The following DGUOK variants were observed in gnomAD, a reference collection of about 807,000 sequenced individuals.
DGUOK encodes deoxyguanosine kinase, also known as deoxyguanosine kinase, mitochondrial.
A neutral mutation model predicts 36.6 loss-of-function variants in DGUOK; 30 were observed. That is an observed-to-expected ratio of 0.82 (90% CI 0.61 to 1.11). The LOEUF (loss-of-function observed/expected upper bound fraction) is 1.11, where lower values mean the gene tolerates loss of function less well. Ranked by LOEUF, DGUOK falls within the 50% of genes most tolerant of loss-of-function variation. The pLI, the probability that DGUOK is intolerant of heterozygous loss-of-function variation, is 0.00. For synonymous variants in DGUOK, 145 were observed against 126.3 expected (o/e 1.15, Z -0.99); for missense variants, 361 against 336.4 (o/e 1.07, Z -0.57).
At chr2:73,932,014 A>G (rs62151968) in intron 1 of DGUOK, among the ~76,000 whole-genome samples, 1,909 of 152,156 alleles carry the variant, frequency 0.013, 29 homozygotes, top group Non-Finnish European at 0.018. Flanking sequence ...GGTTAGAGTG[A>G]TATGTTTTGT....
rs1683248157 is a variant in DGUOK, at chr2:73,957,970, C to G, written c.708-176C>G. 4 of 551,256 alleles carry G rather than the reference C, an allele frequency of 7.3e-6. No individual in the cohort carries two copies. The South Asian group carries it at 7.3e-5, about 10-fold the overall frequency. The allele number at this position is 551,256 out of a possible 1,614,324, so 34.1% of individuals were successfully genotyped here. A position where few individuals can be genotyped will look rare whatever the true frequency, so the allele number is the denominator to read the frequency against. On this transcript the variant is annotated intron_variant, in intron 5 of 6. Coordinates refer to ENST00000264093, the MANE Select transcript of DGUOK (RefSeq NM_080916.3). ...AGAATGAAGAGAAACCTCAACCTTT[C>G]TGTTTCCGGCCAACTTTATTGAATT...
chr2:73,945,885 T>C (rs533139261), intron 2 of DGUOK, among the ~76,000 whole-genome samples: 1 of 152,042 alleles, frequency 6.6e-6, no homozygotes, highest in South Asian at 2.1e-4. Flanking sequence ...TAGCTTGTCG[T>C]GGTGGCGGGT....
At chr2:73,942,381 TTA>T (rs1205992126) in intron 2 of DGUOK, among the ~76,000 whole-genome samples, 3 of 152,182 alleles carry the variant, frequency 2.0e-5, no homozygotes, top group Non-Finnish European at 4.4e-5. Flanking sequence ...TTTTATGGTT[TTA>T]TGTTTTATGT....
chr2:73,942,566 T>C (rs899639343), intron 2 of DGUOK, among the ~76,000 whole-genome samples: 11 of 150,698 alleles, frequency 7.3e-5, no homozygotes, highest in African/African-American at 2.0e-4. Context: ...AAACAGTTGA[T>C]TGTTATATTT....
intron 1 of DGUOK, among the ~76,000 whole-genome samples, chr2:73,931,582 G>C (rs1430738460): frequency 1.3e-5 from 2 of 152,220 alleles, no homozygotes; most frequent in South Asian, 4.1e-4. Context: ...AGTTTATCCT[G>C]TTGGCAGTGG....
intron 4 of DGUOK, among the ~76,000 whole-genome samples, chr2:73,956,883 G>A (rs1462095080): frequency 6.6e-6 from 1 of 152,244 alleles, no homozygotes; most frequent in Non-Finnish European, 1.5e-5. Context: ...TGGATGACTG[G>A]ATGGATGATG....
rs777196831 is a variant in DGUOK at position 73,926,977 on chromosome 2, C to G, written c.67C>G (p.Leu23Val). ...APFSSMAKSP[L>V]EGVSSSRGLH... ...CTTCAGTTCCATGGCCAAGAGCCCACTCGAGGGCGTTTCCTCCTCCAGAGG... is the reference window on the plus strand; with the variant it reads ...CTTCAGTTCCATGGCCAAGAGCCCAGTCGAGGGCGTTTCCTCCTCCAGAGG... The change falls in exon 1 of 7, where the codon CTC (leucine) becomes GTC (valine). Residue 23 changes from leucine to valine, a missense_variant. Coordinates refer to ENST00000264093, the MANE Select transcript of DGUOK (RefSeq NM_080916.3). 1.2e-6 allele frequency: 2 copies of G among 1,612,908 alleles called. No individual in the cohort carries two copies. The highest frequency in any genetic ancestry group is 1.1e-5 in the South Asian group (1 of 91,092).
At chr2:73,953,679 T>A (rs1050736756) in intron 4 of DGUOK, among the ~76,000 whole-genome samples, 1 of 151,190 alleles carries the variant, frequency 6.6e-6, no homozygotes, top group Admixed American at 6.6e-5. Context: ...ATGGACTTCG[T>A]AGGTCCTTCT....
chr2:73,930,956 C>G (rs1376604895), intron 1 of DGUOK, among the ~76,000 whole-genome samples: 1 of 151,210 alleles, frequency 6.6e-6, no homozygotes, highest in African/African-American at 2.4e-5. Context: ...CCACCATGCC[C>G]AGCTAATTTC....
intron 1 of DGUOK, among the ~76,000 whole-genome samples, chr2:73,936,728 A>G (rs1681491415): frequency 6.6e-6 from 1 of 152,200 alleles, no homozygotes; most frequent in African/African-American, 2.4e-5. Context: ...GAAATTAGTA[A>G]TATATTGTGT....
At chr2:73,934,093 C>T (rs767943343) in intron 1 of DGUOK, among the ~76,000 whole-genome samples, 15 of 152,020 alleles carry the variant, frequency 9.9e-5, no homozygotes, top group Non-Finnish European at 1.8e-4. Context: ...CTGTATTAGA[C>T]GTAAAATAAT....
At chr2:73,951,004 C>T (rs981920133) in intron 4 of DGUOK, among the ~76,000 whole-genome samples, 9 of 152,174 alleles carry the variant, frequency 5.9e-5, no homozygotes, top group South Asian at 2.1e-4. Context: ...TTTATGATGA[C>T]GCTTAGGGTT....
intron 1 of DGUOK, among the ~76,000 whole-genome samples, chr2:73,929,989 G>A (rs1160387894): frequency 6.6e-6 from 1 of 152,202 alleles, no homozygotes; most frequent in African/African-American, 2.4e-5. Context: ...TGGAAAGGAG[G>A]AAAATTGGTA....
At chr2:73,946,148 A>G (rs1171186041) in intron 2 of DGUOK, among the ~76,000 whole-genome samples, 1 of 152,016 alleles carries the variant, frequency 6.6e-6, no homozygotes, top group Non-Finnish European at 1.5e-5. Context: ...ATTATGTTTC[A>G]TAAAGTCTCT....
rs750950974 is a variant in DGUOK at position 73,958,288 on chromosome 2, T to C, written c.807+43T>C. ...TCCTGTTTTCTGGTGGTTTCCTTTG[T>C]TGTACTTTTATCTTTCTGGCCTTTG... On this transcript the variant is annotated intron_variant, in intron 6 of 6. Coordinates refer to ENST00000264093, the MANE Select transcript of DGUOK (RefSeq NM_080916.3). The C allele has an allele frequency of 8.0e-6, 12 of 1,504,794 alleles. No individual in the cohort carries two copies. The South Asian group carries it at 1.4e-4, about 17-fold the overall frequency. The allele number at this position is 1,504,794 out of a possible 1,614,324, so 93.2% of individuals were successfully genotyped here. A position where few individuals can be genotyped will look rare whatever the true frequency, so the allele number is the denominator to read the frequency against.
intron 1 of DGUOK, among the ~76,000 whole-genome samples, chr2:73,935,913 AT>A (rs930234008): frequency 2.0e-5 from 3 of 152,166 alleles, no homozygotes; most frequent in African/African-American, 7.2e-5. Context: ...GCATGAGTCA[AT>A]TTCTTGGAGT....
At chr2:73,934,878 A>T (rs564767196) in intron 1 of DGUOK, among the ~76,000 whole-genome samples, 64 of 152,068 alleles carry the variant, frequency 4.2e-4, no homozygotes, top group Non-Finnish European at 5.6e-4. Context: ...TTTGAGACCA[A>T]CCTGGGCAAC....
chr2:73,957,060 C>A, intron 4 of DGUOK, 65 bp from the exon 5 acceptor site: 3 of 1,177,444 alleles, frequency 2.5e-6, no homozygotes, highest in Non-Finnish European at 3.8e-6. Flanking sequence ...TCAGAGCCCC[C>A]GAAGACTGCA....
In DGUOK at chr2:73,928,860, C is replaced by T. The variant is rs988815702; in HGVS notation, c.142+1808C>T. Among the ~76,000 whole-genome samples, 15 of 152,180 alleles carry T rather than the reference C, an allele frequency of 9.9e-5. No homozygotes were observed. In the Middle Eastern group the frequency reaches 0.01, roughly 104 times the overall value. ...ATTGTGAAAAGTGAAAGTGGTGAGACGTGATTGGATTCTAGTTATACGTTA... is the reference window on the plus strand; with the variant it reads ...ATTGTGAAAAGTGAAAGTGGTGAGATGTGATTGGATTCTAGTTATACGTTA... On this transcript the variant is annotated intron_variant, in intron 1 of 6. Transcript: ENST00000264093.
Sources: allele counts gnomAD v4.1 joint callset (sites outside exome capture counted in the v4.1 genomes callset), GRCh38; gene constraint gnomAD v4.1.1; transcripts MANE v1.5; gene names NCBI Gene and HGNC (gene_info 2026-07-23, HGNC 2026-07-21).